ZNF366: variants seen among roughly 807,000 people sequenced by gnomAD.
ZNF366 encodes the protein zinc finger protein 366, also known as dendritic cell-specific transcript protein.
ZNF366 carries 20 observed loss-of-function variants against 47.2 expected under a neutral mutation model. The observed-to-expected ratio is 0.42, with a 90% confidence interval of 0.30 to 0.62. ZNF366 has a LOEUF of 0.62. ZNF366 is among the 20% of genes least tolerant of loss of function. The probability of loss-of-function intolerance (pLI) is 0.16; values close to 1 mark genes in which losing one functional copy is unlikely to be tolerated. For synonymous variants in ZNF366, 421 were observed against 395.1 expected (o/e 1.07, Z -0.78); for missense variants, 987 against 976.3 (o/e 1.01, Z -0.15).
intron 1 of ZNF366, among the ~76,000 whole-genome samples, chr5:72,502,592 A>G (rs985071741): frequency 6.6e-6 from 1 of 152,192 alleles, no homozygotes; most frequent in Non-Finnish European, 1.5e-5. Flanking sequence ...GATTTTTCAA[A>G]CACCATTATC....
In ZNF366 at chr5:72,460,603, G is replaced by A. The variant is rs745650190; in HGVS notation, c.894C>T (p.Thr298=). The A allele has an allele frequency of 3.7e-6, 6 of 1,614,032 alleles. No homozygotes were observed. The African/African-American group carries it at 8.0e-5, about 22-fold the overall frequency. Residue 298 remains threonine, a synonymous_variant, in exon 2 of 5, where the codon ACC becomes ACT. Transcript: ENST00000318442. ...KLFKQLSHLH[T]HMLTHQGTRP... ...GCGTGCCCTGGTGGGTCAGCATGTG[G>A]GTATGCAGGTGGCTGAGCTGCTTGA...
chr5:72,448,414 G>A (rs1407440374), intron 3 of ZNF366, among the ~76,000 whole-genome samples: 60 of 152,196 alleles, frequency 3.9e-4, no homozygotes, highest in Admixed American at 3.9e-3. Context: ...TATGCAGAAA[G>A]CGCAACCCAG....
At chr5:72,483,898 A>G (rs1743835687) in intron 1 of ZNF366, among the ~76,000 whole-genome samples, 1 of 152,162 alleles carries the variant, frequency 6.6e-6, no homozygotes, top group Non-Finnish European at 1.5e-5. Context: ...GGGAAAGTTT[A>G]AAATCTAAGA....
intron 1 of ZNF366, among the ~76,000 whole-genome samples, chr5:72,467,071 C>T (rs185138948): frequency 6.6e-6 from 1 of 152,270 alleles, no homozygotes; most frequent in African/African-American, 2.4e-5. Context: ...ACTCTTCCAC[C>T]TAAAAAAATG....
At chr5:72,490,411 A>G (rs980577585) in intron 1 of ZNF366, among the ~76,000 whole-genome samples, 1 of 152,202 alleles carries the variant, frequency 6.6e-6, no homozygotes, top group Non-Finnish European at 1.5e-5. Context: ...TGGAAAACAG[A>G]TGAGATAGAG....
intron 1 of ZNF366, among the ~76,000 whole-genome samples, chr5:72,483,848 G>GT (rs1485457449): frequency 1.3e-5 from 2 of 152,032 alleles, no homozygotes; most frequent in South Asian, 2.1e-4. Flanking sequence ...CCTCAAGCAG[G>GT]TTTTTTCATC....
At chr5:72,455,692 C>A (rs897932432) in intron 3 of ZNF366, among the ~76,000 whole-genome samples, 10 of 152,200 alleles carry the variant, frequency 6.6e-5, no homozygotes, top group African/African-American at 2.4e-4. Flanking sequence ...CACACGTTTT[C>A]TCGGCTGATG....
At position 72,461,362 on chromosome 5, in the gene ZNF366, C is replaced by T. The variant is rs775130479; in HGVS notation, c.135G>A (p.Pro45=). 9.3e-6 allele frequency: 15 copies of T among 1,613,778 alleles called. No homozygotes were observed. The highest frequency in any genetic ancestry group is 6.7e-5 in the Admixed American group (4 of 59,992). ...RGKAPQRHPF[P]EALRGPFSQF... ...GGGAAAATGGCCCTCGGAGAGCTTC[C>T]GGGAAGGGGTGTCTTTGGGGAGCCT... Residue 45 remains proline (P), a synonymous_variant, in exon 2 of 5, where the codon CCG becomes CCA. Transcript: ENST00000318442.
At chr5:72,452,490 C>A (rs1170088966) in intron 3 of ZNF366, among the ~76,000 whole-genome samples, 1 of 152,162 alleles carries the variant, frequency 6.6e-6, no homozygotes, top group Non-Finnish European at 1.5e-5. Context: ...CCCCTCCATG[C>A]CAGCCTGAAA....
In ZNF366 at chr5:72,474,705, C is replaced by T. The variant is rs151130261; in HGVS notation, c.-14-13195G>A. On this transcript the variant is annotated intron_variant, in intron 1 of 4. Transcript: ENST00000318442. Reference sequence around the variant, plus strand: ...ACACACACAAGCCATGTAAAGTAATCCAAGTTGCTTATTCTTTGTGTGTGC... The same window carrying T: ...ACACACACAAGCCATGTAAAGTAATTCAAGTTGCTTATTCTTTGTGTGTGC... Among the ~76,000 whole-genome samples the T allele has an allele frequency of 5.3e-3, 801 of 152,012 alleles. 4 individuals carry two copies. Among genetic ancestry groups the T allele is most frequent in the African/African-American group, 0.019 (777 of 41,484 alleles).
chr5:72,472,532 T>C (rs1375316721), intron 1 of ZNF366: 12 of 985,180 alleles, frequency 1.2e-5, no homozygotes. Flanking sequence ...ACTTGCAAAA[T>C]TAGGCTGACC....
At chr5:72,458,280 T>A (rs963252429) in intron 2 of ZNF366, among the ~76,000 whole-genome samples, 3 of 152,144 alleles carry the variant, frequency 2.0e-5, no homozygotes, top group Non-Finnish European at 4.4e-5. Context: ...CCTCCCAAAG[T>A]GCTGGGATTA....
At chr5:72,459,659 C>T (rs1743261228) in intron 2 of ZNF366, among the ~76,000 whole-genome samples, 1 of 152,216 alleles carries the variant, frequency 6.6e-6, no homozygotes, top group South Asian at 2.1e-4. Flanking sequence ...CTCTGCTTCC[C>T]TTGGAGAACT....
intron 1 of ZNF366, among the ~76,000 whole-genome samples, chr5:72,477,610 T>C (rs529700251): frequency 3.4e-4 from 52 of 152,338 alleles, no homozygotes; most frequent in African/African-American, 1.2e-3. Context: ...ACTCACCACA[T>C]GCAAGTCTTT....
Position 72,504,105 on chromosome 5 carries a change from G to A in ZNF366, c.-15+3146C>T, listed in dbSNP as rs559738980. ...CATGCGCGCGCACACACGCGTGCAT[G>A]CACACACACACGCACACCCATGGTG... is the stretch of plus-strand genomic sequence containing the variant. On this transcript the variant is annotated intron_variant, in intron 1 of 4. Transcript: ENST00000318442. Among the ~76,000 whole-genome samples, 62 of 151,826 alleles carry A rather than the reference G, an allele frequency of 4.1e-4. 1 individual carries two copies. Among genetic ancestry groups the A allele is most frequent in the South Asian group, 3.1e-3 (15 of 4,800 alleles).
intron 1 of ZNF366, among the ~76,000 whole-genome samples, chr5:72,480,174 A>G (rs952113590): frequency 4.6e-5 from 7 of 152,370 alleles, no homozygotes; most frequent in African/African-American, 1.4e-4. Flanking sequence ...GTGTGAAAGT[A>G]TGCAGAAATA....
intron 1 of ZNF366, among the ~76,000 whole-genome samples, chr5:72,463,780 C>G (rs1028837830): frequency 6.6e-5 from 10 of 152,170 alleles, no homozygotes; most frequent in African/African-American, 2.4e-4. Flanking sequence ...CATCTCTTAG[C>G]TTGCAATCCA....
At chr5:72,493,475 T>C (rs1744052986) in intron 1 of ZNF366, 1 of 152,210 alleles carries the variant, frequency 6.6e-6, no homozygotes, top group Non-Finnish European at 1.5e-5. Flanking sequence ...TGATGATCAA[T>C]ACTTCCAAGC....
At chr5:72,482,746 T>TGTGTGTGTG (rs1743814060) in intron 1 of ZNF366, among the ~76,000 whole-genome samples, 3 of 140,970 alleles carry the variant, frequency 2.1e-5, no homozygotes, top group African/African-American at 8.1e-5. Context: ...CATTTCTATT[T>TGTGTGTGTG]TGTGTGTGTG....
Sources: gnomAD v4.1 joint callset for allele counts (sites outside exome capture counted in the v4.1 genomes callset) on GRCh38, gnomAD v4.1.1 for gene constraint, MANE v1.5 for transcripts, NCBI Gene and HGNC (gene_info 2026-07-23, HGNC 2026-07-21) for gene names.